ZNF469: variants seen among roughly 807,000 people sequenced by gnomAD.
The protein encoded by ZNF469 is zinc finger protein 469.
Under a neutral mutation model 1.0 loss-of-function variants are expected in ZNF469, and 1 was observed. The ratio of observed to expected loss-of-function variants is 1.00; its 90% CI spans 0.35 to 4.73. ZNF469 has a LOEUF of 4.73. Ranked by LOEUF, ZNF469 falls within the 30% of genes most tolerant of loss-of-function variation. ZNF469 has a pLI of 0.16. For synonymous variants in ZNF469, 2,703 were observed against 2,363.4 expected, an observed-to-expected ratio of 1.14 and a Z score of -4.17; for missense variants, 6,100 against 5,356.3, an observed-to-expected ratio of 1.14 and a Z score of -4.33.
chr16:88,378,311 G>A (rs1347408804), upstream of ZNF469, among the ~76,000 whole-genome samples: 2 of 152,154 alleles, frequency 1.3e-5, no homozygotes, highest in Non-Finnish European at 2.9e-5. Flanking sequence ...CCAAATTGAG[G>A]GTCTACTCAG....
the ZNF469 span, among the ~76,000 whole-genome samples, chr16:88,147,998 A>C: frequency 6.7e-6 from 1 of 150,208 alleles, no homozygotes; most frequent in Non-Finnish European, 1.5e-5. Context: ...GCAATGGGGC[A>C]GCGATTGCAG....
intron 1 of ZNF469, among the ~76,000 whole-genome samples, chr16:88,408,591 T>C (rs1269580329): frequency 6.6e-6 from 1 of 152,126 alleles, no homozygotes; most frequent in African/African-American, 2.4e-5. Flanking sequence ...GGCTCAGGAA[T>C]GCCCTCCCAG....
At chr16:88,316,748 C>T in the ZNF469 span, among the ~76,000 whole-genome samples, 127 of 151,972 alleles carry the variant, frequency 8.4e-4, no homozygotes, top group Middle Eastern at 3.4e-3. Context: ...GGTTTCACCA[C>T]GTTGGCCAGG....
the ZNF469 span, among the ~76,000 whole-genome samples, chr16:88,201,160 C>T: frequency 6.6e-6 from 1 of 152,360 alleles, no homozygotes; most frequent in Admixed American, 6.5e-5. The surrounding 1 kb of genome is among the most constrained non-coding windows in gnomAD (Gnocchi z 5.0). Flanking sequence ...CTGTCCGGAC[C>T]AGGGGTGGCA....
At position 88,424,214 on chromosome 16, in the gene ZNF469, G is replaced by C. The variant is rs1597203735; in HGVS notation, c.-191-593G>C. Among the ~76,000 whole-genome samples the C allele has an allele frequency of 6.6e-6, 1 of 152,242 alleles. No homozygotes were observed. Among genetic ancestry groups the C allele is most frequent in the East Asian group, 1.9e-4 (1 of 5,198 alleles). ...CTGGATGCGAGGACGAGTGGACAGA[G>C]AGTGAGAAACCTCTTCACGGAATGT... is the stretch of plus-strand genomic sequence containing the variant. On this transcript the variant is annotated intron_variant, in intron 1 of 2. Coordinates refer to ENST00000565624, the MANE Select transcript of ZNF469 (RefSeq NM_001367624.2). This position sits in a 1 kb window ranked among gnomAD's most constrained non-coding sequence, Gnocchi z 4.3.
the ZNF469 span, among the ~76,000 whole-genome samples, chr16:88,162,923 C>G: frequency 6.6e-6 from 1 of 152,202 alleles, no homozygotes; most frequent in East Asian, 1.9e-4. Context: ...AAGAGTATAG[C>G]AACACAAGGC....
the ZNF469 span, among the ~76,000 whole-genome samples, chr16:88,314,094 A>G: frequency 7.3e-6 from 1 of 136,838 alleles, no homozygotes; most frequent in African/African-American, 2.7e-5. Flanking sequence ...GATTATGATG[A>G]TGCTGCTGTG....
rs1039078920 is a variant in ZNF469, at chr16:88,429,778, C to A, written c.2308C>A (p.Pro770Thr). The change falls in exon 3 of 3, where the codon CCC becomes ACC. Residue 770 changes from proline to threonine, a missense_variant. Coordinates refer to ENST00000565624, the MANE Select transcript of ZNF469 (RefSeq NM_001367624.2). ...AKDGHQRSPGPPGLPSPPAAP... is the reference protein window; with the variant it reads ...AKDGHQRSPGTPGLPSPPAAP... ...GGATGGCCACCAGCGGTCTCCAGGC[C>A]CCCCTGGGCTCCCCTCGCCCCCCGC... The A allele has an allele frequency of 6.5e-7, 1 of 1,544,504 alleles. No homozygotes were observed. Among genetic ancestry groups the A allele is most frequent in the Non-Finnish European group, 8.7e-7 (1 of 1,144,440 alleles).
chr16:88,241,315 C>A, the ZNF469 span, among the ~76,000 whole-genome samples: 1 of 151,120 alleles, frequency 6.6e-6, no homozygotes, highest in Admixed American at 6.6e-5. This position sits in a 1 kb window ranked among gnomAD's most constrained non-coding sequence, Gnocchi z 4.8. Flanking sequence ...GCCAAGATCG[C>A]GCCACTGCAC....
the ZNF469 span, among the ~76,000 whole-genome samples, chr16:88,351,190 C>T: frequency 2.6e-5 from 4 of 152,240 alleles, no homozygotes; most frequent in African/African-American, 4.8e-5. Flanking sequence ...GGCACACACC[C>T]GGCCCTCGGT....
the ZNF469 span, among the ~76,000 whole-genome samples, chr16:88,331,863 T>G: frequency 6.6e-6 from 1 of 151,006 alleles, no homozygotes; most frequent in African/African-American, 2.4e-5. Flanking sequence ...GTTGTCATCA[T>G]TATTCATTTT....
chr16:88,373,246 CA>C, the ZNF469 span, among the ~76,000 whole-genome samples: 1 of 152,226 alleles, frequency 6.6e-6, no homozygotes, highest in Non-Finnish European at 1.5e-5. Flanking sequence ...GCTCCTCCTG[CA>C]GTGGCCACAG....
At chr16:88,375,497 A>T in the ZNF469 span, among the ~76,000 whole-genome samples, 1 of 152,260 alleles carries the variant, frequency 6.6e-6, no homozygotes, top group Non-Finnish European at 1.5e-5. Flanking sequence ...CACCAGGGAC[A>T]CAGGCCCGGC....
the ZNF469 span, among the ~76,000 whole-genome samples, chr16:88,235,376 C>T: frequency 6.6e-6 from 1 of 152,198 alleles, no homozygotes; most frequent in Non-Finnish European, 1.5e-5. Context: ...TTTGAGTGGC[C>T]ACCCTCCCCC....
At chr16:88,349,655 A>C in the ZNF469 span, among the ~76,000 whole-genome samples, 1 of 145,654 alleles carries the variant, frequency 6.9e-6, no homozygotes, top group Non-Finnish European at 1.5e-5. Flanking sequence ...CACAGCAGGC[A>C]CAATACACAC....
chr16:88,372,008 T>TCATCAC, the ZNF469 span, among the ~76,000 whole-genome samples: 1 of 141,492 alleles, frequency 7.1e-6, no homozygotes, highest in African/African-American at 2.6e-5. Context: ...ATCATCACCA[T>TCATCAC]CATCACCATC....
chr16:88,387,690 C>T (rs1228033543), intron 1 of ZNF469, among the ~76,000 whole-genome samples: 11 of 152,226 alleles, frequency 7.2e-5, no homozygotes, highest in African/African-American at 2.4e-4. Context: ...TTTGACCCAG[C>T]GAGGAGAGCC....
the ZNF469 span, among the ~76,000 whole-genome samples, chr16:88,352,565 C>A: frequency 6.6e-6 from 1 of 152,250 alleles, no homozygotes; most frequent in African/African-American, 2.4e-5. Flanking sequence ...AGGCCTGTGT[C>A]CTTGTCTGTA....
At chr16:88,417,924 A>C (rs897843961) in intron 1 of ZNF469, among the ~76,000 whole-genome samples, 5 of 152,256 alleles carry the variant, frequency 3.3e-5, no homozygotes, top group African/African-American at 1.2e-4. Flanking sequence ...ATGAGCATGC[A>C]TAACTGCACA....
Sources: allele counts gnomAD v4.1 joint callset (sites outside exome capture counted in the v4.1 genomes callset), GRCh38; gene constraint gnomAD v4.1.1; non-coding constraint Gnocchi (gnomAD v3.1); transcripts MANE v1.5; gene names NCBI Gene and HGNC (gene_info 2026-07-23, HGNC 2026-07-21).